Variants in TRAF3 observed in about 807,000 individuals in gnomAD.
The protein encoded by TRAF3 is TNF receptor-associated factor 3.
Under a neutral mutation model 62.3 loss-of-function variants are expected in TRAF3, and 13 were observed. That is an observed-to-expected ratio of 0.21 (90% confidence interval 0.14 to 0.33). TRAF3 has a LOEUF of 0.33. Among genes scored for constraint, TRAF3 ranks in the 10% least tolerant of loss-of-function variants. TRAF3 has a pLI of 1.00. For missense variants in TRAF3, 440 were observed against 741.8 expected (o/e 0.59, Z 4.73); for synonymous variants, 269 against 283.4 (o/e 0.95, Z 0.51).
chr14:102,891,708 G>GT (rs913274950), intron 9 of TRAF3, among the ~76,000 whole-genome samples: 65 of 147,914 alleles, frequency 4.4e-4, no homozygotes, highest in East Asian at 4.3e-3. Context: ...CCACCCTGCT[G>GT]TTTTTTTTTT....
At chr14:102,832,460 G>A (rs1005970830) in intron 2 of TRAF3, among the ~76,000 whole-genome samples, 2 of 151,808 alleles carry the variant, frequency 1.3e-5, no homozygotes, top group African/African-American at 4.8e-5. Flanking sequence ...GATCACCTGA[G>A]GTCAGGAGTT....
chr14:102,831,323 A>T (rs1465901620), intron 2 of TRAF3, among the ~76,000 whole-genome samples: 1 of 152,370 alleles, frequency 6.6e-6, no homozygotes, highest in Non-Finnish European at 1.5e-5. Context: ...AGGACCACAC[A>T]GTGAGCAGGG....
At chr14:102,880,405 A>T (rs1244596316) in intron 6 of TRAF3, among the ~76,000 whole-genome samples, 1 of 152,266 alleles carries the variant, frequency 6.6e-6, no homozygotes, top group Non-Finnish European at 1.5e-5. Flanking sequence ...ATATGTTAAT[A>T]TGTTGCCATC....
intron 1 of TRAF3, among the ~76,000 whole-genome samples, chr14:102,808,686 C>T (rs924110648): frequency 6.6e-6 from 1 of 152,050 alleles, no homozygotes; most frequent in Non-Finnish European, 1.5e-5. Flanking sequence ...TTTTACAGGA[C>T]ATAATGTAAA....
chr14:102,886,079 G>A, intron 6 of TRAF3, 110 bp from the exon 7 acceptor site: 1 of 905,790 alleles, frequency 1.1e-6, no homozygotes, highest in Non-Finnish European at 1.8e-6. Context: ...ATAACTTAGA[G>A]GACAGCGATG....
At chr14:102,830,921 T>C (rs915575414) in intron 2 of TRAF3, among the ~76,000 whole-genome samples, 40 of 152,358 alleles carry the variant, frequency 2.6e-4, no homozygotes, top group African/African-American at 9.4e-4. Flanking sequence ...ACTTACAAGT[T>C]GCAACTTATT....
intron 1 of TRAF3, among the ~76,000 whole-genome samples, chr14:102,798,242 G>A (rs1337725747): frequency 6.8e-6 from 1 of 147,968 alleles, no homozygotes; most frequent in Non-Finnish European, 1.5e-5. Context: ...TTTTTTTTGA[G>A]ACTGGGTCTT....
intron 1 of TRAF3, among the ~76,000 whole-genome samples, chr14:102,812,379 C>A (rs1709777340): frequency 6.6e-6 from 1 of 152,106 alleles, no homozygotes; most frequent in Admixed American, 6.6e-5. Flanking sequence ...TGTATAGATA[C>A]CACATTTTCT....
chr14:102,885,357 TC>T (rs1395743441), intron 6 of TRAF3, among the ~76,000 whole-genome samples: 1 of 152,168 alleles, frequency 6.6e-6, no homozygotes, highest in Non-Finnish European at 1.5e-5. Context: ...GATTGAGGCA[TC>T]CTGTGGCCAC....
chr14:102,799,243 C>G (rs1437226903), intron 1 of TRAF3, among the ~76,000 whole-genome samples: 3 of 152,138 alleles, frequency 2.0e-5, no homozygotes, highest in Admixed American at 6.5e-5. Context: ...AGGAGCTTAG[C>G]AGACATCAGA....
intron 6 of TRAF3, among the ~76,000 whole-genome samples, chr14:102,878,004 T>C (rs566914996): frequency 1.7e-4 from 26 of 152,396 alleles, no homozygotes; most frequent in African/African-American, 6.2e-4. Flanking sequence ...TAGCACTTTT[T>C]ATCTGACTTT....
At chr14:102,866,569 C>T (rs571845333) in intron 2 of TRAF3, among the ~76,000 whole-genome samples, 13 of 152,150 alleles carry the variant, frequency 8.5e-5, no homozygotes, top group Admixed American at 2.6e-4. Context: ...CACCACCAGG[C>T]GCAGTGGTTC....
chr14:102,801,520 C>G (rs760572620), intron 1 of TRAF3, among the ~76,000 whole-genome samples: 1 of 151,952 alleles, frequency 6.6e-6, no homozygotes, highest in Non-Finnish European at 1.5e-5. Context: ...AGCAGGCACC[C>G]AACAAATGCA....
chr14:102,784,208 G>A (rs1351485491), intron 1 of TRAF3, among the ~76,000 whole-genome samples: 1 of 138,052 alleles, frequency 7.2e-6, no homozygotes, highest in African/African-American at 2.7e-5. Context: ...CTGGGAAGAT[G>A]CTTGGCCTTT....
intron 1 of TRAF3, among the ~76,000 whole-genome samples, chr14:102,802,685 C>T (rs548041049): frequency 1.3e-4 from 20 of 151,268 alleles, no homozygotes; most frequent in Non-Finnish European, 2.5e-4. Flanking sequence ...AAAAATTAGC[C>T]GGGTGTGTGG....
intron 2 of TRAF3, among the ~76,000 whole-genome samples, chr14:102,866,718 G>A (rs183615429): frequency 1.3e-5 from 2 of 152,192 alleles, no homozygotes; most frequent in African/African-American, 4.8e-5. Flanking sequence ...GGTGGCATGT[G>A]CCTATAATCC....
At chr14:102,844,031 A>T (rs1457456448) in intron 2 of TRAF3, among the ~76,000 whole-genome samples, 2 of 152,272 alleles carry the variant, frequency 1.3e-5, no homozygotes, top group Non-Finnish European at 2.9e-5. Context: ...TAACTTAACT[A>T]AAAGTAACTG....
At chr14:102,893,110 C>T (rs935822247) in intron 9 of TRAF3, among the ~76,000 whole-genome samples, 12 of 151,952 alleles carry the variant, frequency 7.9e-5, no homozygotes, top group East Asian at 1.9e-4. Flanking sequence ...GCTTTGTGGC[C>T]GGGCATGGTG....
chr14:102,801,329 T>C (rs924929379), intron 1 of TRAF3, among the ~76,000 whole-genome samples: 1 of 152,018 alleles, frequency 6.6e-6, no homozygotes, highest in Non-Finnish European at 1.5e-5. Context: ...TGTTATATAA[T>C]ATATAATATA....
Sources: gnomAD v4.1 joint callset for allele counts (sites outside exome capture counted in the v4.1 genomes callset) on GRCh38, gnomAD v4.1.1 for gene constraint, MANE v1.5 for transcripts, NCBI Gene and HGNC (gene_info 2026-07-23, HGNC 2026-07-21) for gene names.